The following TCF24 variants were observed in gnomAD, a reference collection of about 807,000 sequenced individuals.
TCF24 encodes the protein transcription factor 24.
A neutral mutation model predicts 9.3 loss-of-function variants in TCF24; 5 were observed. The observed-to-expected ratio is 0.54, with a 90% CI of 0.28 to 1.13. The LOEUF (loss-of-function observed/expected upper bound fraction) is 1.13. TCF24 is among the 50% of genes most tolerant of loss of function. The pLI is 0.09. For missense variants in TCF24, 220 were observed against 236.1 expected (o/e 0.93, Z 0.45); for synonymous variants, 110 against 115.8 (o/e 0.95, Z 0.32).
rs1305567949 is a variant in TCF24 at position 66,962,528 on chromosome 8, C to T, written c.-334G>A. ...GGCCAGGCGTGTGTGCTCCGACCGGCTAAGGCAGGTCGGGCGGAGGACCTG... is the reference window on the plus strand; with the variant it reads ...GGCCAGGCGTGTGTGCTCCGACCGGTTAAGGCAGGTCGGGCGGAGGACCTG... On this transcript the variant is annotated 5_prime_UTR_variant, in exon 1 of 4. Transcript: ENST00000563496. 1 of 152,286 alleles carries T rather than the reference C, an allele frequency of 6.6e-6. No individual in the cohort carries two copies. Among genetic ancestry groups the T allele is most frequent in the Non-Finnish European group, 1.5e-5 (1 of 68,110 alleles). 9.4% of individuals were successfully genotyped at this position (152,286 alleles called of 1,614,324 possible).
intron 2 of TCF24, 22 bp downstream of exon 2, chr8:66,961,855 C>T: frequency 4.0e-6 from 4 of 988,690 alleles, no homozygotes; most frequent in Non-Finnish European, 4.8e-6. Context: ...GCGCAGCCCC[C>T]TGGTTCTCCC....
chr8:66,954,146 C>T (rs1360281209), intron 3 of TCF24, among the ~76,000 whole-genome samples: 5 of 152,234 alleles, frequency 3.3e-5, no homozygotes, highest in Non-Finnish European at 4.4e-5. Flanking sequence ...TGAGGAACTG[C>T]GTTCCTTTGG....
At chr8:66,955,479 T>C (rs1194261331) in intron 3 of TCF24, among the ~76,000 whole-genome samples, 1 of 152,146 alleles carries the variant, frequency 6.6e-6, no homozygotes, top group African/African-American at 2.4e-5. Flanking sequence ...CTTATCTTCA[T>C]CACGGAACAC....
intron 3 of TCF24, among the ~76,000 whole-genome samples, chr8:66,954,612 T>G (rs541483115): frequency 6.6e-6 from 1 of 152,282 alleles, no homozygotes; most frequent in Non-Finnish European, 1.5e-5. Context: ...TGAGCTGTGG[T>G]GGGCTCCACC....
intron 3 of TCF24, among the ~76,000 whole-genome samples, chr8:66,951,578 G>A (rs573267328): frequency 1.3e-5 from 2 of 152,288 alleles, no homozygotes; most frequent in African/African-American, 2.4e-5. Flanking sequence ...GTCTCTGCCC[G>A]GCTTTGGTAT....
At position 66,961,616 on chromosome 8, in the gene TCF24, C is replaced by T; in HGVS notation, c.150G>A (p.Pro50=). The change falls in exon 3 of 4, where the codon CCG becomes CCA. Residue 50 remains proline, a synonymous_variant. Transcript: ENST00000563496. Reference sequence around the variant, plus strand: ...GCTCCCGCGCCGCATTCGCCGCCGCCGGCCGCCCGCTCCCGGAACGCGAGC... The same window carrying T: ...GCTCCCGCGCCGCATTCGCCGCCGCTGGCCGCCCGCTCCCGGAACGCGAGC... ...GGGSRSGSGR[P]AAANAARERS... is the part of the protein sequence containing the mutation. 2.3e-6 allele frequency: 3 copies of T among 1,282,492 alleles called. No homozygotes were observed. Among genetic ancestry groups the T allele is most frequent in the Non-Finnish European group, 2.9e-6 (3 of 1,017,328 alleles). The allele number at this position is 1,282,492 out of a possible 1,614,324, so 79.4% of individuals were successfully genotyped here.
Position 66,961,520 on chromosome 8 carries a change from G to A in TCF24, c.246C>T (p.Asp82=). 1.3e-6 allele frequency: 2 copies of A among 1,516,798 alleles called. No individual in the cohort carries two copies. Among genetic ancestry groups the A allele is most frequent in the Non-Finnish European group, 1.8e-6 (2 of 1,139,400 alleles). 94.0% of individuals were successfully genotyped at this position (1,516,798 alleles called of 1,614,324 possible). Residue 82 remains aspartate, a synonymous_variant, in exon 3 of 4, where the codon GAC becomes GAT. Coordinates refer to ENST00000563496, the MANE Select transcript of TCF24 (RefSeq NM_001193502.2). ...LQRTLPSVPP[D]TKLSKLDVLL... ...GCACGTCCAGCTTGGACAGCTTGGT[G>A]TCGGGCGGCACGGACGGCAGCGTGC...
At chr8:66,954,051 A>G (rs200740393) in intron 3 of TCF24, among the ~76,000 whole-genome samples, 3 of 152,064 alleles carry the variant, frequency 2.0e-5, no homozygotes, top group Non-Finnish European at 1.5e-5. Flanking sequence ...ATGTCCTCCC[A>G]TAGCTCGGAA....
intron 3 of TCF24, among the ~76,000 whole-genome samples, chr8:66,949,190 G>C (rs1814016513): frequency 6.6e-6 from 1 of 151,520 alleles, no homozygotes; most frequent in African/African-American, 2.4e-5. Context: ...TGCCATGCTG[G>C]TGCGCTGCAC....
At chr8:66,950,794 A>G (rs1251604870) in intron 3 of TCF24, among the ~76,000 whole-genome samples, 3 of 150,278 alleles carry the variant, frequency 2.0e-5, no homozygotes, top group East Asian at 3.9e-4. Context: ...TTCTCCTTGA[A>G]GAGGTCCTTC....
intron 3 of TCF24, among the ~76,000 whole-genome samples, chr8:66,950,671 T>C (rs907077140): frequency 6.6e-6 from 1 of 152,198 alleles, no homozygotes; most frequent in African/African-American, 2.4e-5. Context: ...AATCTGTAAA[T>C]TACCTTGGGC....
chr8:66,952,634 A>C (rs528079098), intron 3 of TCF24, among the ~76,000 whole-genome samples: 39 of 149,952 alleles, frequency 2.6e-4, no homozygotes, highest in African/African-American at 9.3e-4. Flanking sequence ...AGCTGAGTTC[A>C]ATTCCTGGGT....
Position 66,948,109 on chromosome 8 carries a change from T to C in TCF24, c.446A>G (p.His149Arg). Residue 149 changes from histidine to arginine, a missense_variant, in exon 4 of 4, where the codon CAT becomes CGT. By Grantham distance (29) the His-to-Arg change is conservative (BLOSUM62 0). Coordinates refer to ENST00000563496, the MANE Select transcript of TCF24 (RefSeq NM_001193502.2). ...YIGATGQFLKHSVSGEKTNHD... is the reference protein window; with the variant it reads ...YIGATGQFLKRSVSGEKTNHD... ...ATTTGTTTTTTCTCCAGAAACAGAA[T>C]GCTTCAGAAACTGACCAGTAGCACC... is the stretch of plus-strand genomic sequence containing the variant. 1 of 1,535,376 alleles carries C rather than the reference T, an allele frequency of 6.5e-7. No homozygotes were observed. Among genetic ancestry groups the C allele is most frequent in the Non-Finnish European group, 8.7e-7 (1 of 1,146,694 alleles).
At chr8:66,953,829 G>T (rs374949543) in intron 3 of TCF24, among the ~76,000 whole-genome samples, 1 of 151,592 alleles carries the variant, frequency 6.6e-6, no homozygotes, top group African/African-American at 2.4e-5. Context: ...TTCCCTTCTC[G>T]CTTCATTTCA....
intron 3 of TCF24, among the ~76,000 whole-genome samples, chr8:66,958,748 T>C (rs1814207787): frequency 6.6e-6 from 1 of 152,172 alleles, no homozygotes; most frequent in Admixed American, 6.5e-5. Context: ...TGTTTACCTA[T>C]CATAGACAAT....
Position 66,948,064 on chromosome 8 carries a change from T to C in TCF24, c.491A>G (p.Asp164Gly), listed in dbSNP as rs1188381930. The C allele has an allele frequency of 2.0e-6, 3 of 1,532,294 alleles. No individual in the cohort carries two copies. Among genetic ancestry groups the C allele is most frequent in the African/African-American group, 1.4e-5 (1 of 72,946 alleles). The allele number at this position is 1,532,294 out of a possible 1,614,324, so 94.9% of individuals were successfully genotyped here. A position where few individuals can be genotyped will look rare whatever the true frequency, so the allele number is the denominator to read the frequency against. The change falls in exon 4 of 4, where the codon GAC (aspartate) becomes GGC (glycine). Residue 164 changes from aspartate (D) to glycine (G), a missense_variant. Coordinates refer to ENST00000563496, the MANE Select transcript of TCF24 (RefSeq NM_001193502.2). ...EKTNHDNTPT[D>G]SQP is the part of the protein sequence containing the mutation. ...CCAGGGGAGAGCCTAAGGCTGTGAGTCTGTTGGAGTGTTGTCATGATTTGT... is the reference window on the plus strand; with the variant it reads ...CCAGGGGAGAGCCTAAGGCTGTGAGCCTGTTGGAGTGTTGTCATGATTTGT...
chr8:66,950,805 A>C (rs1814047249), intron 3 of TCF24, among the ~76,000 whole-genome samples: 1 of 149,982 alleles, frequency 6.7e-6, no homozygotes, highest in Admixed American at 6.6e-5. Context: ...GAGGTCCTTC[A>C]CATCCCTTGT....
intron 3 of TCF24, among the ~76,000 whole-genome samples, chr8:66,953,697 A>T (rs1028825996): frequency 1.1e-4 from 17 of 152,252 alleles, no homozygotes; most frequent in Admixed American, 1.1e-3. Context: ...GTGTTTTCCA[A>T]CTTGGTTCCA....
chr8:66,954,352 C>T (rs1342972638), intron 3 of TCF24, among the ~76,000 whole-genome samples: 3 of 151,372 alleles, frequency 2.0e-5, no homozygotes, highest in African/African-American at 7.3e-5. Flanking sequence ...AATACCCTGC[C>T]GTGTGAGGTG....
Sources: gnomAD v4.1 joint callset for allele counts (sites outside exome capture counted in the v4.1 genomes callset) on GRCh38, gnomAD v4.1.1 for gene constraint, MANE v1.5 for transcripts, NCBI Gene and HGNC (gene_info 2026-07-23, HGNC 2026-07-21) for gene names.